CAB39L: variants seen among roughly 807,000 people sequenced by gnomAD.
The protein encoded by CAB39L is calcium-binding protein 39-like.
In CAB39L, 23 loss-of-function variants were observed where a neutral mutation model predicts 39.1. The observed-to-expected ratio is 0.59, with a 90% CI of 0.42 to 0.83. The LOEUF is 0.83. Ranked by LOEUF, CAB39L falls within the 40% of genes least tolerant of loss-of-function variation. The pLI is 0.00. For missense variants in CAB39L, 366 were observed against 391.9 expected, an observed-to-expected ratio of 0.93 and a Z score of 0.56; for synonymous variants, 126 against 137.2, an observed-to-expected ratio of 0.92 and a Z score of 0.57.
intron 3 of CAB39L, among the ~76,000 whole-genome samples, chr13:49,398,890 C>T (rs1197110437): frequency 1.3e-5 from 2 of 152,026 alleles, no homozygotes; most frequent in Non-Finnish European, 2.9e-5. Flanking sequence ...ACTCAAGATA[C>T]CTAACCTTGT....
At chr13:49,311,974 G>A (rs1593883755) in intron 10 of CAB39L, among the ~76,000 whole-genome samples, 1 of 152,212 alleles carries the variant, frequency 6.6e-6, no homozygotes, top group African/African-American at 2.4e-5. Context: ...GCTCACTGCA[G>A]ACTGGAACTC....
At chr13:49,327,832 G>A (rs1021640418) in intron 10 of CAB39L, among the ~76,000 whole-genome samples, 5 of 152,050 alleles carry the variant, frequency 3.3e-5, no homozygotes, top group African/African-American at 4.8e-5. Flanking sequence ...TCTCCCACTG[G>A]TGCCCATGTA....
intron 10 of CAB39L, 110 bp downstream of exon 10, chr13:49,331,837 C>T (rs1200233906): frequency 3.1e-6 from 3 of 979,062 alleles, no homozygotes; most frequent in Non-Finnish European, 4.6e-6. Flanking sequence ...CAAAGACTGC[C>T]TATTTCATTT....
chr13:49,365,068 C>T (rs998152200), intron 5 of CAB39L, among the ~76,000 whole-genome samples: 1 of 151,996 alleles, frequency 6.6e-6, no homozygotes, highest in Non-Finnish European at 1.5e-5. Flanking sequence ...ATATAGTAAC[C>T]AAAACAGCAT....
intron 1 of CAB39L, among the ~76,000 whole-genome samples, chr13:49,439,778 G>C (rs1008146620): frequency 6.6e-6 from 1 of 152,122 alleles, no homozygotes; most frequent in Admixed American, 6.5e-5. Flanking sequence ...GAGCCATTCT[G>C]ACTGGCGTGA....
chr13:49,329,574 T>A (rs373968339), intron 10 of CAB39L, among the ~76,000 whole-genome samples: 22,016 of 112,222 alleles, frequency 0.2, 3,963 homozygotes, highest in African/African-American at 0.23. Flanking sequence ...TATATATATA[T>A]ATATATATAT....
At chr13:49,417,398 A>G (rs2138701549) in intron 3 of CAB39L, among the ~76,000 whole-genome samples, 1 of 152,268 alleles carries the variant, frequency 6.6e-6, no homozygotes, top group East Asian at 1.9e-4. Context: ...TTGCCAGGCC[A>G]TCCAAAAACC....
intron 3 of CAB39L, among the ~76,000 whole-genome samples, chr13:49,426,710 C>T (rs1200784250): frequency 6.6e-6 from 1 of 152,162 alleles, no homozygotes; most frequent in Non-Finnish European, 1.5e-5. Context: ...CAGGAGTGAG[C>T]CACCGCGCCC....
chr13:49,353,452 T>A (rs1202865694), intron 6 of CAB39L, among the ~76,000 whole-genome samples: 1 of 152,162 alleles, frequency 6.6e-6, no homozygotes, highest in Non-Finnish European at 1.5e-5. Flanking sequence ...TTTTTGTAAT[T>A]TGGCCCTAAC....
chr13:49,329,544 A>AAAAATAT (rs1555252274), intron 10 of CAB39L, among the ~76,000 whole-genome samples: 2 of 33,830 alleles, frequency 5.9e-5, no homozygotes, highest in African/African-American at 1.6e-4. Flanking sequence ...TAAAAAAAAA[A>AAAAATAT]ATATATATAT....
Position 49,414,763 on chromosome 13 carries a change from G to A in CAB39L, c.-32+18555C>T, listed in dbSNP as rs1239183019. On this transcript the variant is annotated intron_variant, in intron 3 of 10. Transcript: ENST00000409308. ...AAATTTTAACAGTAATTTTCTCTGG[G>A]TAGTAAGACTACAGATTACTTTTTT... is the stretch of plus-strand genomic sequence containing the variant. Among the ~76,000 whole-genome samples, 10 of 152,022 alleles carry A rather than the reference G, an allele frequency of 6.6e-5. No homozygotes were observed. The East Asian group carries it at 1.9e-3, about 29-fold the overall frequency.
chr13:49,360,859 C>T (rs150793558), intron 5 of CAB39L, among the ~76,000 whole-genome samples: 216 of 152,244 alleles, frequency 1.4e-3, no homozygotes, highest in Non-Finnish European at 2.7e-3. Flanking sequence ...CTTCCCCTTC[C>T]GCCATGATTG....
chr13:49,310,234 T>C lies in CAB39L; in HGVS notation c.*580A>G, dbSNP rs1022302021. The C allele has an allele frequency of 2.0e-5, 3 of 152,462 alleles. No individual in the cohort carries two copies. Among genetic ancestry groups the C allele is most frequent in the African/African-American group, 7.3e-5 (3 of 41,348 alleles). The allele number at this position is 152,462 out of a possible 1,614,324, so 9.4% of individuals were successfully genotyped here. A position where few individuals can be genotyped will look rare whatever the true frequency, so the allele number is the denominator to read the frequency against. ...CTGAGGCCATGCTGAGGAGCTGGGA[T>C]GGAATGCAGGACAGGGAGAGAGGGG... On this transcript the variant is annotated 3_prime_UTR_variant, in exon 11 of 11. Transcript: ENST00000409308.
At chr13:49,346,962 T>C (rs1955196193) in intron 7 of CAB39L, among the ~76,000 whole-genome samples, 1 of 152,090 alleles carries the variant, frequency 6.6e-6, no homozygotes, top group South Asian at 2.1e-4. Context: ...TGTTACAATA[T>C]TAATAACTAA....
intron 3 of CAB39L, among the ~76,000 whole-genome samples, chr13:49,429,024 T>C (rs1479501895): frequency 6.6e-6 from 1 of 152,222 alleles, no homozygotes; most frequent in Non-Finnish European, 1.5e-5. Flanking sequence ...TTAATATTCC[T>C]CACTATAATT....
At chr13:49,420,382 A>AT (rs536433768) in intron 3 of CAB39L, 41 of 152,294 alleles carry the variant, frequency 2.7e-4, no homozygotes, top group African/African-American at 9.1e-4. Flanking sequence ...GGTTATTAGC[A>AT]TTTTGCAGTT....
At chr13:49,389,484 T>A (rs1330919417) in intron 3 of CAB39L, among the ~76,000 whole-genome samples, 1 of 151,786 alleles carries the variant, frequency 6.6e-6, no homozygotes, top group African/African-American at 2.4e-5. Context: ...CCACAAAAAA[T>A]ACAAAAATTA....
intron 3 of CAB39L, among the ~76,000 whole-genome samples, chr13:49,391,305 G>A (rs1026079332): frequency 3.3e-5 from 5 of 152,110 alleles, no homozygotes; most frequent in African/African-American, 9.7e-5. Context: ...GGACAAAGAT[G>A]GTGAAGGAGT....
At chr13:49,317,224 C>G (rs1365261193) in intron 10 of CAB39L, among the ~76,000 whole-genome samples, 1 of 152,120 alleles carries the variant, frequency 6.6e-6, no homozygotes, top group Admixed American at 6.5e-5. Context: ...AACACCTTTT[C>G]ATGATAAAAA....
Sources: allele counts gnomAD v4.1 joint callset (sites outside exome capture counted in the v4.1 genomes callset), GRCh38; gene constraint gnomAD v4.1.1; transcripts MANE v1.5; gene names NCBI Gene and HGNC (gene_info 2026-07-23, HGNC 2026-07-21).